RGS7: variants seen among roughly 807,000 people sequenced by gnomAD.
RGS7 encodes the protein regulator of G-protein signaling 7.
A neutral mutation model predicts 81.1 loss-of-function variants in RGS7; 27 were observed. The observed-to-expected ratio is 0.33, with a 90% confidence interval of 0.25 to 0.46. The LOEUF (loss-of-function observed/expected upper bound fraction) is 0.46, where lower values mean the gene tolerates loss of function less well. RGS7 is among the 20% of genes least tolerant of loss of function. The pLI is 1.00. For synonymous variants in RGS7, 208 were observed against 207.7 expected (o/e 1.00, Z -0.01); for missense variants, 396 against 607.4 (o/e 0.65, Z 3.66).
chr1:241,240,476 T>C (rs1284438067), intron 2 of RGS7, among the ~76,000 whole-genome samples: 1 of 152,168 alleles, frequency 6.6e-6, no homozygotes, highest in Admixed American at 6.5e-5. Flanking sequence ...TGTGTGTGGG[T>C]GTAGAAACAT....
chr1:241,000,285 G>T (rs1018683278), intron 3 of RGS7, among the ~76,000 whole-genome samples: 1 of 152,152 alleles, frequency 6.6e-6, no homozygotes, highest in African/African-American at 2.4e-5. Context: ...GAGGGAAAAT[G>T]AAGAAAAATG....
At chr1:240,828,617 T>G (rs796473331) in intron 9 of RGS7, among the ~76,000 whole-genome samples, 7 of 152,266 alleles carry the variant, frequency 4.6e-5, no homozygotes, top group African/African-American at 1.7e-4. Context: ...TGAAACCCCA[T>G]CTCTACTGAA....
chr1:241,237,292 TA>T (rs2076033061), intron 2 of RGS7, among the ~76,000 whole-genome samples: 1 of 152,112 alleles, frequency 6.6e-6, no homozygotes, highest in South Asian at 2.1e-4. Flanking sequence ...TGAGAAATAA[TA>T]AAATGTAGGG....
chr1:241,040,573 C>A (rs2060565099), intron 3 of RGS7, among the ~76,000 whole-genome samples: 1 of 152,108 alleles, frequency 6.6e-6, no homozygotes, highest in Non-Finnish European at 1.5e-5. Context: ...GCGATCTCGG[C>A]TCACTGCAAC....
chr1:241,144,644 A>T lies in RGS7; in HGVS notation c.79-45882T>A, dbSNP rs2068163684. Among the ~76,000 whole-genome samples, 1 of 152,158 alleles carries T rather than the reference A, an allele frequency of 6.6e-6. No homozygotes were observed. Among genetic ancestry groups the T allele is most frequent in the Non-Finnish European group, 1.5e-5 (1 of 68,034 alleles). On this transcript the variant is annotated intron_variant, in intron 2 of 18. Transcript: ENST00000440928. This position sits in a 1 kb window ranked among gnomAD's most constrained non-coding sequence, Gnocchi z 4.7. ...GGGCCTGCTTCGATAAGTGCTGTTT[A>T]TGTGGCTGTATTTTCAAGATAGCAT...
chr1:240,812,425 C>A (rs1690010879), intron 13 of RGS7, among the ~76,000 whole-genome samples: 1 of 139,020 alleles, frequency 7.2e-6, no homozygotes, highest in African/African-American at 2.5e-5. Context: ...CCCAGTGCCA[C>A]ATTTCTTTTT....
intron 3 of RGS7, among the ~76,000 whole-genome samples, chr1:241,085,641 C>G (rs1232076550): frequency 1.3e-5 from 2 of 151,986 alleles, no homozygotes; most frequent in Non-Finnish European, 2.9e-5. Context: ...GTTGGCCAGG[C>G]TAGGCTGGTC....
intron 2 of RGS7, among the ~76,000 whole-genome samples, chr1:241,342,988 T>G (rs1416110959): frequency 6.6e-6 from 1 of 151,804 alleles, no homozygotes; most frequent in Non-Finnish European, 1.5e-5. Context: ...ATAGGCCAGG[T>G]GCGGTGGCTC....
At chr1:240,797,914 C>T (rs561736479) in intron 18 of RGS7, among the ~76,000 whole-genome samples, 33 of 152,206 alleles carry the variant, frequency 2.2e-4, no homozygotes, top group Admixed American at 1.4e-3. Context: ...AACCCCAATG[C>T]GGGCATTACA....
Position 241,322,964 on chromosome 1 carries a change from A to C in RGS7, c.78+32735T>G, listed in dbSNP as rs74150260. 7.5e-3 allele frequency among the ~76,000 whole-genome samples: 1,138 copies of C among 152,350 alleles called. 16 individuals are homozygous for C. The highest frequency in any genetic ancestry group is 0.026 in the African/African-American group (1,090 of 41,584). ...TCTAAGAATACTCTGAAGGACACAA[A>C]TCAAATTGGTAGGGCCAGGAAATAA... is the stretch of plus-strand genomic sequence containing the variant. On this transcript the variant is annotated intron_variant, in intron 2 of 18. Coordinates refer to ENST00000440928, the MANE Select transcript of RGS7 (RefSeq NM_001364886.1).
intron 4 of RGS7, among the ~76,000 whole-genome samples, chr1:240,965,260 G>A (rs1682107340): frequency 6.6e-6 from 1 of 152,100 alleles, no homozygotes; most frequent in African/African-American, 2.4e-5. Context: ...CCTTTATGAT[G>A]CTGGAGAATT....
chr1:241,330,651 T>G (rs2081926602), intron 2 of RGS7, among the ~76,000 whole-genome samples: 1 of 152,200 alleles, frequency 6.6e-6, no homozygotes, highest in African/African-American at 2.4e-5. Flanking sequence ...ACTCTATTAG[T>G]CAAGCTACCC....
intron 3 of RGS7, among the ~76,000 whole-genome samples, chr1:241,003,299 A>C (rs2058508424): frequency 6.6e-6 from 1 of 151,962 alleles, no homozygotes; most frequent in African/African-American, 2.4e-5. Flanking sequence ...GTCTCTACTA[A>C]AAATACAAAA....
intron 2 of RGS7, among the ~76,000 whole-genome samples, chr1:241,306,300 CAT>C (rs71568995): frequency 0.022 from 3,290 of 150,788 alleles, 38 homozygotes; most frequent in Non-Finnish European, 0.035. Context: ...CATACCCTCA[CAT>C]GTACATATAT....
chr1:240,937,521 A>T (rs1425276999), intron 4 of RGS7, among the ~76,000 whole-genome samples: 5 of 152,230 alleles, frequency 3.3e-5, no homozygotes, highest in African/African-American at 4.8e-5. Context: ...ATGAGAAGAT[A>T]AAGTTAAGAA....
At chr1:241,072,686 A>G (rs149390334) in intron 3 of RGS7, among the ~76,000 whole-genome samples, 93 of 152,226 alleles carry the variant, frequency 6.1e-4, no homozygotes, top group African/African-American at 2.1e-3. Context: ...CTGAAGCTGA[A>G]TCAATGCTTT....
At chr1:240,839,045 G>A (rs916175700) in intron 9 of RGS7, among the ~76,000 whole-genome samples, 1 of 152,194 alleles carries the variant, frequency 6.6e-6, no homozygotes, top group Non-Finnish European at 1.5e-5. Flanking sequence ...GATGACAGGC[G>A]TAAGCCACTG....
intron 2 of RGS7, among the ~76,000 whole-genome samples, chr1:241,113,591 T>C (rs1031390317): frequency 2.6e-5 from 4 of 152,250 alleles, no homozygotes; most frequent in Non-Finnish European, 5.9e-5. Context: ...GATACTCGCA[T>C]GGATAAACAA....
chr1:240,838,642 G>A (rs534473533), intron 9 of RGS7, among the ~76,000 whole-genome samples: 6 of 152,052 alleles, frequency 3.9e-5, no homozygotes, highest in Admixed American at 6.5e-5. Context: ...TTCAGTGCTA[G>A]GGAAAAAAAA....
Sources: gnomAD v4.1 joint callset for allele counts (sites outside exome capture counted in the v4.1 genomes callset) on GRCh38, gnomAD v4.1.1 for gene constraint, Gnocchi (gnomAD v3.1) non-coding constraint, MANE v1.5 for transcripts, NCBI Gene and HGNC (gene_info 2026-07-23, HGNC 2026-07-21) for gene names.